The following MECOM variants were observed in gnomAD, a reference collection of about 807,000 sequenced individuals.
The protein encoded by MECOM is histone-lysine N-methyltransferase MECOM.
Under a neutral mutation model 116.3 loss-of-function variants are expected in MECOM, and 13 were observed. The ratio of observed to expected loss-of-function variants is 0.11; its 90% confidence interval spans 0.07 to 0.18. The LOEUF (loss-of-function observed/expected upper bound fraction) is 0.18, where lower values mean the gene tolerates loss of function less well. MECOM is among the 10% of genes least tolerant of loss of function. The pLI is 1.00. For synonymous variants in MECOM, 528 were observed against 535.2 expected, an observed-to-expected ratio of 0.99 and a Z score of 0.19; for missense variants, 1,299 against 1,509.0, an observed-to-expected ratio of 0.86 and a Z score of 2.31.
chr3:169,113,333 C>G (rs1057449837), intron 8 of MECOM, among the ~76,000 whole-genome samples: 1 of 151,546 alleles, frequency 6.6e-6, no homozygotes, highest in Non-Finnish European at 1.5e-5. Context: ...AGGGCATTTC[C>G]AAGCATATAC....
At chr3:169,280,135 T>G (rs1158804280) in intron 2 of MECOM, among the ~76,000 whole-genome samples, 1 of 152,178 alleles carries the variant, frequency 6.6e-6, no homozygotes, top group Non-Finnish European at 1.5e-5. Flanking sequence ...AAGAAATGTC[T>G]GTGGAACATG....
At chr3:169,190,368 C>T (rs1296161328) in intron 2 of MECOM, among the ~76,000 whole-genome samples, 1 of 151,936 alleles carries the variant, frequency 6.6e-6, no homozygotes, top group Non-Finnish European at 1.5e-5. Flanking sequence ...ATTCCAAATC[C>T]CATTTCATAA....
rs1750313077 is a variant in MECOM, at chr3:169,208,867, G to T, written c.376-65035C>A. Among the ~76,000 whole-genome samples the T allele has an allele frequency of 2.0e-5, 3 of 149,056 alleles. No individual in the cohort carries two copies. In the South Asian group the frequency reaches 6.3e-4, roughly 31 times the overall value. On this transcript the variant is annotated intron_variant, in intron 2 of 16. Coordinates refer to ENST00000651503, the MANE Select transcript of MECOM (RefSeq NM_004991.4). ...TTAAATTTCATTTGGAACCAAAAAAGAGCCTGTATAGCCAAGACAATCGTA... is the reference window on the plus strand; with the variant it reads ...TTAAATTTCATTTGGAACCAAAAAATAGCCTGTATAGCCAAGACAATCGTA...
chr3:169,337,909 C>A (rs78161277), intron 2 of MECOM, among the ~76,000 whole-genome samples: 4,691 of 152,248 alleles, frequency 0.031, 112 homozygotes, highest in Non-Finnish European at 0.05. Flanking sequence ...CAGCAACCAA[C>A]CCTGAGTGAT....
intron 2 of MECOM, among the ~76,000 whole-genome samples, chr3:169,276,552 CAAAAAAA>C (rs58452538): frequency 1.0e-4 from 5 of 47,774 alleles, no homozygotes; most frequent in Admixed American, 2.2e-4. Flanking sequence ...GACTCTGCCT[CAAAAAAA>C]AAAAAAAAAA....
chr3:169,287,210 C>T (rs1023086692), intron 2 of MECOM, among the ~76,000 whole-genome samples: 3 of 152,160 alleles, frequency 2.0e-5, no homozygotes, highest in Non-Finnish European at 2.9e-5. Context: ...ACAGGTAAGG[C>T]CTCCAGGAAA....
At chr3:169,291,695 G>A (rs1714584533) in intron 2 of MECOM, among the ~76,000 whole-genome samples, 1 of 152,174 alleles carries the variant, frequency 6.6e-6, no homozygotes, top group Admixed American at 6.5e-5. Context: ...TCTATTTCAA[G>A]CCTCAGATGT....
chr3:169,418,005 C>T (rs945790816), intron 1 of MECOM, among the ~76,000 whole-genome samples: 4 of 150,492 alleles, frequency 2.7e-5, no homozygotes, highest in Non-Finnish European at 4.4e-5. Context: ...ATACCTAATG[C>T]TAAATGACGA....
At chr3:169,261,211 T>C (rs1010825508) in intron 2 of MECOM, among the ~76,000 whole-genome samples, 1 of 152,184 alleles carries the variant, frequency 6.6e-6, no homozygotes, top group South Asian at 2.1e-4. Flanking sequence ...TTCTAAAAGA[T>C]AAAAATATTT....
intron 2 of MECOM, among the ~76,000 whole-genome samples, chr3:169,215,947 T>G (rs1294655878): frequency 6.6e-6 from 1 of 152,234 alleles, no homozygotes; most frequent in East Asian, 1.9e-4. Context: ...AAATGCATCC[T>G]GAAGGCCTAA....
chr3:169,579,997 A>T (rs893583114), intron 1 of MECOM, among the ~76,000 whole-genome samples: 4 of 152,192 alleles, frequency 2.6e-5, no homozygotes, highest in Non-Finnish European at 4.4e-5. Context: ...CTGAGCACAG[A>T]GCCCATTGTG....
intron 1 of MECOM, among the ~76,000 whole-genome samples, chr3:169,405,247 T>TTC (rs921859071): frequency 1.3e-5 from 2 of 151,088 alleles, no homozygotes; most frequent in Non-Finnish European, 3.0e-5. Context: ...CCCTCCCTCC[T>TTC]TCTCTCTCTC....
At chr3:169,443,282 G>C (rs558325084) in intron 1 of MECOM, among the ~76,000 whole-genome samples, 2 of 151,866 alleles carry the variant, frequency 1.3e-5, no homozygotes, top group Non-Finnish European at 2.9e-5. Context: ...CCTCACATTA[G>C]GTCCCTTCAT....
intron 1 of MECOM, among the ~76,000 whole-genome samples, chr3:169,396,136 C>A (rs1246609441): frequency 4.6e-5 from 7 of 152,144 alleles, no homozygotes; most frequent in African/African-American, 1.7e-4. Context: ...TTTTTCATAA[C>A]ATCTGCAGCT....
intron 2 of MECOM, among the ~76,000 whole-genome samples, chr3:169,243,603 C>G (rs1194351346): frequency 6.6e-6 from 1 of 152,048 alleles, no homozygotes; most frequent in Non-Finnish European, 1.5e-5. Context: ...ATTGAATAAA[C>G]TATTTAATTG....
At chr3:169,444,689 C>G (rs374247801) in intron 1 of MECOM, among the ~76,000 whole-genome samples, 5 of 152,122 alleles carry the variant, frequency 3.3e-5, no homozygotes, top group Admixed American at 6.6e-5. Context: ...AAAAGATACC[C>G]GATGACTTTG....
intron 1 of MECOM, among the ~76,000 whole-genome samples, chr3:169,463,740 A>C (rs982657581): frequency 3.9e-5 from 6 of 152,064 alleles, no homozygotes; most frequent in African/African-American, 1.4e-4. Flanking sequence ...CATTTCTCCA[A>C]TTGCCATTGG....
chr3:169,323,027 G>C (rs1313122362), intron 2 of MECOM, among the ~76,000 whole-genome samples: 5 of 94,316 alleles, frequency 5.3e-5, no homozygotes, highest in African/African-American at 7.9e-5. Context: ...AAAAAAAAAA[G>C]CAGCAGCAAC....
chr3:169,491,215 G>T (rs986889810), intron 1 of MECOM, among the ~76,000 whole-genome samples: 1 of 152,092 alleles, frequency 6.6e-6, no homozygotes, highest in Non-Finnish European at 1.5e-5. Context: ...TGAAAAAGGA[G>T]AATAGATATT....
Sources: allele counts gnomAD v4.1 joint callset (sites outside exome capture counted in the v4.1 genomes callset), GRCh38; gene constraint gnomAD v4.1.1; transcripts MANE v1.5; gene names NCBI Gene and HGNC (gene_info 2026-07-23, HGNC 2026-07-21).